Variants in ARHGAP31 observed in about 807,000 individuals in gnomAD.
ARHGAP31 encodes Rho GTPase activating protein 31, also known as rho GTPase-activating protein 31.
A neutral mutation model predicts 113.9 loss-of-function variants in ARHGAP31; 34 were observed. The ratio of observed to expected loss-of-function variants is 0.30; its 90% CI spans 0.23 to 0.40. The LOEUF (loss-of-function observed/expected upper bound fraction) is 0.40, where lower values mean the gene tolerates loss of function less well. ARHGAP31 is among the 10% of genes least tolerant of loss of function. ARHGAP31 has a pLI of 1.00. For synonymous variants in ARHGAP31, 650 were observed against 684.8 expected (o/e 0.95, Z 0.79); for missense variants, 1,548 against 1,767.1 (o/e 0.88, Z 2.22).
At chr3:119,333,681 TGACTTACCTAAAAATTCAGA>T (rs1420334576) in intron 1 of ARHGAP31, among the ~76,000 whole-genome samples, 1 of 152,204 alleles carries the variant, frequency 6.6e-6, no homozygotes, top group Non-Finnish European at 1.5e-5. Flanking sequence ...GGAGGTGAAG[TGACTTACCTAAAAATTCAGA>T]GTCAGGAAGA....
At chr3:119,391,388 A>C (rs1355582199) in intron 7 of ARHGAP31, among the ~76,000 whole-genome samples, 1 of 151,986 alleles carries the variant, frequency 6.6e-6, no homozygotes, top group Non-Finnish European at 1.5e-5. Context: ...ACGATACAAA[A>C]AGCATAGGGT....
At chr3:119,349,003 T>C (rs1475463386) in intron 1 of ARHGAP31, among the ~76,000 whole-genome samples, 1 of 152,206 alleles carries the variant, frequency 6.6e-6, no homozygotes, top group Non-Finnish European at 1.5e-5. Context: ...TACTAAGTAA[T>C]TTTTGAGCTG....
chr3:119,414,440 G>T lies in ARHGAP31; in HGVS notation c.2511G>T (p.Glu837Asp). The change falls in exon 12 of 12, where the codon GAG (glutamate) becomes GAT (aspartate). Residue 837 changes from glutamate to aspartate, a missense_variant. By Grantham distance (45) the Glu-to-Asp change is conservative (BLOSUM62 2). Transcript: ENST00000264245. Reference sequence around the variant, plus strand: ...AGATCTCTAGCCTCTGTCAGGGAGAGGAGGCAACCCCAAGACACAGTGACA... The same window carrying T: ...AGATCTCTAGCCTCTGTCAGGGAGATGAGGCAACCCCAAGACACAGTGACA... The part of the protein sequence containing the change: ...SPEISSLCQG[E>D]EATPRHSDKQ... 1.2e-6 allele frequency: 2 copies of T among 1,614,250 alleles called. No homozygotes were observed. The highest frequency in any genetic ancestry group is 1.7e-6 in the Non-Finnish European group (2 of 1,180,048).
Position 119,300,418 on chromosome 3 carries a change from A to G in ARHGAP31, c.100+5414A>G, listed in dbSNP as rs138451967. Among the ~76,000 whole-genome samples the G allele has an allele frequency of 1.5e-4, 23 of 152,302 alleles. 1 individual carries two copies. Among genetic ancestry groups the G allele is most frequent in the Admixed American group, 1.3e-3 (20 of 15,304 alleles). On this transcript the variant is annotated intron_variant, in intron 1 of 11. Transcript: ENST00000264245. ...GGACAAGAAGCAAGTTGCTTGCCCTACTGAATGAAGAAGCCAATTTATGCA... is the reference window on the plus strand; with the variant it reads ...GGACAAGAAGCAAGTTGCTTGCCCTGCTGAATGAAGAAGCCAATTTATGCA...
chr3:119,365,305 C>A lies in ARHGAP31; in HGVS notation c.101-11C>A. ...TAATACTTAATTGTTTTTTTCTTTT[C>A]TTTTACATAGTTCCATACGTTTTGA... On this transcript the variant is annotated splice_polypyrimidine_tract_variant and intron_variant, in intron 1 of 11. Coordinates refer to ENST00000264245, the MANE Select transcript of ARHGAP31 (RefSeq NM_020754.4). 1 of 1,608,610 alleles carries A rather than the reference C, an allele frequency of 6.2e-7. No homozygotes were observed. Among genetic ancestry groups the A allele is most frequent in the Non-Finnish European group, 8.5e-7 (1 of 1,176,618 alleles).
chr3:119,348,329 C>A (rs891287873), intron 1 of ARHGAP31, among the ~76,000 whole-genome samples: 1 of 152,202 alleles, frequency 6.6e-6, no homozygotes, highest in African/African-American at 2.4e-5. Context: ...GCAAAACCAT[C>A]CCCCTGACCC....
intron 1 of ARHGAP31, among the ~76,000 whole-genome samples, chr3:119,352,719 A>T (rs2080120517): frequency 6.6e-6 from 1 of 152,186 alleles, no homozygotes; most frequent in Non-Finnish European, 1.5e-5. Flanking sequence ...ATTGGACATT[A>T]TTCTACAGGC....
At chr3:119,309,832 C>T (rs1262031328) in intron 1 of ARHGAP31, among the ~76,000 whole-genome samples, 1 of 152,074 alleles carries the variant, frequency 6.6e-6, no homozygotes, top group Non-Finnish European at 1.5e-5. Context: ...GTCCCTGGTG[C>T]CAAAAAAGTT....
Position 119,393,710 on chromosome 3 carries a change from C to G in ARHGAP31, c.1006+119C>G, listed in dbSNP as rs76581373. On this transcript the variant is annotated intron_variant, in intron 8 of 11. Coordinates refer to ENST00000264245, the MANE Select transcript of ARHGAP31 (RefSeq NM_020754.4). ...TCTGAAAGAGAAACTTATAAATTAA[C>G]TAGGGGAAGAGGAGTCTTTTTTCAA... 6.6e-4 allele frequency: 932 copies of G among 1,422,250 alleles called. 12 individuals carry two copies. In the East Asian group the frequency reaches 0.02, roughly 30 times the overall value. 88.1% of individuals were successfully genotyped at this position (1,422,250 alleles called of 1,614,324 possible).
intron 1 of ARHGAP31, among the ~76,000 whole-genome samples, chr3:119,356,561 G>A (rs904782521): frequency 7.2e-5 from 11 of 151,800 alleles, no homozygotes; most frequent in African/African-American, 2.7e-4. Context: ...AACCCAGGAG[G>A]CAGAGGTTGC....
chr3:119,399,364 A>T, intron 9 of ARHGAP31, 103 bp downstream of exon 9: 2 of 982,080 alleles, frequency 2.0e-6, no homozygotes, highest in Non-Finnish European at 3.2e-6. Flanking sequence ...AGTCACAGTC[A>T]CACACAACTA....
rs1232621924 is a variant in ARHGAP31 at position 119,409,606 on chromosome 3, G to C, written c.1756G>C (p.Glu586Gln). The change falls in exon 11 of 12, where the codon GAG (glutamate) becomes CAG (glutamine). Residue 586 changes from glutamate to glutamine, a missense_variant. By Grantham distance (29) the Glu-to-Gln change is conservative. Coordinates refer to ENST00000264245, the MANE Select transcript of ARHGAP31 (RefSeq NM_020754.4). ...CCAGGAGCCAGGCGCCCACCTGGAG[G>C]AGAAGAAAACCCCAGAAAGCTCCTT... is the stretch of plus-strand genomic sequence containing the variant. Reference protein sequence around the residue: ...LSQEPGAHLEEKKTPESSLSS... With the variant: ...LSQEPGAHLEQKKTPESSLSS... 6.2e-7 allele frequency: 1 copy of C among 1,614,032 alleles called. No individual in the cohort carries two copies. The highest frequency in any genetic ancestry group is 8.5e-7 in the Non-Finnish European group (1 of 1,179,948).
intron 2 of ARHGAP31, among the ~76,000 whole-genome samples, chr3:119,366,091 T>G (rs927691070): frequency 1.3e-5 from 2 of 152,072 alleles, no homozygotes; most frequent in African/African-American, 4.8e-5. Context: ...TTTATATATA[T>G]ACAGAGAGTA....
intron 1 of ARHGAP31, among the ~76,000 whole-genome samples, chr3:119,315,672 C>T (rs1012268279): frequency 2.6e-5 from 4 of 152,202 alleles, no homozygotes; most frequent in Non-Finnish European, 5.9e-5. Context: ...TTTGGTGGTG[C>T]ATACTCACAT....
intron 1 of ARHGAP31, among the ~76,000 whole-genome samples, chr3:119,316,103 A>C (rs1157890667): frequency 6.6e-6 from 1 of 152,170 alleles, no homozygotes; most frequent in Admixed American, 6.5e-5. Context: ...GCGTGTTTAA[A>C]ACTCTGGATG....
chr3:119,413,847 G>GT lies in ARHGAP31; in HGVS notation c.1927-4dup. On this transcript the variant is annotated splice_polypyrimidine_tract_variant and intron_variant, in intron 11 of 11. Transcript: ENST00000264245. ...GTTCTAAGACAATCAGTTTATTGAT[G>GT]TTTTTCAGGATGAAGATGATCTGGC... 1 of 1,614,192 alleles carries GT rather than the reference G, an allele frequency of 6.2e-7. No homozygotes were observed. The highest frequency in any genetic ancestry group is 8.5e-7 in the Non-Finnish European group (1 of 1,180,038).
chr3:119,418,006 C>T lies in ARHGAP31; in HGVS notation c.*1742C>T, dbSNP rs1189405054. 2 of 152,102 alleles carry T rather than the reference C, an allele frequency of 1.3e-5. No homozygotes were observed. The highest frequency in any genetic ancestry group is 4.8e-5 in the African/African-American group (2 of 41,394). The allele number at this position is 152,102 out of a possible 1,614,324, so 9.4% of individuals were successfully genotyped here. On this transcript the variant is annotated 3_prime_UTR_variant, in exon 12 of 12. Coordinates refer to ENST00000264245, the MANE Select transcript of ARHGAP31 (RefSeq NM_020754.4). ...TGAGAAATTGGGAGCTGATGCCCTG[C>T]AACAGATATATATTCCTCTCTCTCT... is the stretch of plus-strand genomic sequence containing the variant.
chr3:119,414,642 G>T lies in ARHGAP31; in HGVS notation c.2713G>T (p.Val905Leu). The T allele has an allele frequency of 3.1e-6, 5 of 1,614,204 alleles. No homozygotes were observed. The highest frequency in any genetic ancestry group is 4.2e-6 in the Non-Finnish European group (5 of 1,180,036). The change falls in exon 12 of 12, where the codon GTG becomes TTG. Residue 905 changes from valine to leucine, a missense_variant. By Grantham distance (32) the Val-to-Leu change is conservative (BLOSUM62 1). Transcript: ENST00000264245. ...TDIAQHGLEM[V>L]EPWEEPQWVT... ...CATTGCCCAGCATGGCCTGGAGATG[G>T]TGGAGCCCTGGGAGGAACCCCAGTG... is the stretch of plus-strand genomic sequence containing the variant.
At chr3:119,393,717 A>T in intron 8 of ARHGAP31, 126 bp downstream of exon 8, 1 of 1,311,688 alleles carries the variant, frequency 7.6e-7, no homozygotes, top group Non-Finnish European at 1.1e-6. Context: ...TAACTAGGGG[A>T]AGAGGAGTCT....
Sources: allele counts gnomAD v4.1 joint callset (sites outside exome capture counted in the v4.1 genomes callset), GRCh38; gene constraint gnomAD v4.1.1; transcripts MANE v1.5; gene names NCBI Gene and HGNC (gene_info 2026-07-23, HGNC 2026-07-21).